The following KRT9 variants were observed in gnomAD, a reference collection of about 807,000 sequenced individuals.
KRT9 encodes the protein keratin, type I cytoskeletal 9.
A neutral mutation model predicts 51.4 loss-of-function variants in KRT9; 34 were observed. That is an observed-to-expected ratio of 0.66 (90% CI 0.50 to 0.88). The LOEUF is 0.88. Ranked by LOEUF, KRT9 falls within the 40% of genes least tolerant of loss-of-function variation. The probability of loss-of-function intolerance (pLI) is 0.00; values close to 1 mark genes in which losing one functional copy is unlikely to be tolerated. For missense variants in KRT9, 753 were observed against 790.3 expected (o/e 0.95, Z 0.57); for synonymous variants, 292 against 289.7 (o/e 1.01, Z -0.08).
rs763338778 is a variant in KRT9 at position 41,568,626 on chromosome 17, TG to T, written c.1051del (p.Gln351ArgfsTer20). ...ACTACTGGATACCTCATGCTCGATC[TG>T]GGTTATCTGCAAAACCAAAGGCTCA... ...IENQYETQIT[Q>X]IEHEVSSSGQ... On this transcript the variant is annotated frameshift_variant, in exon 5 of 8. Transcript: ENST00000246662. LOFTEE classifies it high-confidence loss of function. 1.9e-5 allele frequency: 30 copies of T among 1,614,156 alleles called. No homozygotes were observed. The highest frequency in any genetic ancestry group is 2.5e-5 in the Non-Finnish European group (30 of 1,180,024).
intron 1 of KRT9, 76 bp from the exon 2 acceptor site, chr17:41,570,296 C>T (rs557355180): frequency 6.5e-6 from 8 of 1,237,304 alleles, no homozygotes; most frequent in African/African-American, 4.4e-5. Flanking sequence ...GGCAAAGCCA[C>T]AGGAGGTGAG....
intron 1 of KRT9, among the ~76,000 whole-genome samples, chr17:41,570,722 A>C (rs1186831620): frequency 6.6e-6 from 1 of 152,226 alleles, no homozygotes; most frequent in East Asian, 1.9e-4. Context: ...AAGAGGAATC[A>C]CTGAGAATAC....
At chr17:41,568,938 AC>A (rs1220115486) in intron 4 of KRT9, among the ~76,000 whole-genome samples, 2 of 151,628 alleles carry the variant, frequency 1.3e-5, no homozygotes, top group Non-Finnish European at 2.9e-5. Context: ...ACACACACAC[AC>A]ACACACACAC....
chr17:41,570,051 G>A (rs759859729), intron 2 of KRT9, 36 bp from the exon 3 acceptor site: 3 of 1,614,086 alleles, frequency 1.9e-6, no homozygotes, highest in South Asian at 1.1e-5. Flanking sequence ...CAATCAAGAG[G>A]GAACCAGGCC....
chr17:41,567,342 T>A lies in KRT9; in HGVS notation c.1803A>T (p.Gly601=). 1.2e-6 allele frequency: 2 copies of A among 1,613,918 alleles called. No homozygotes were observed. The highest frequency in any genetic ancestry group is 1.6e-4 in the Middle Eastern group (1 of 6,062). Residue 601 remains glycine (G), a synonymous_variant, in exon 7 of 8, where the codon GGA becomes GGT. Transcript: ENST00000246662. The part of the protein sequence containing the change: ...GFGGESGGSY[G]GGEEASGSGG... ...CACTTCCACTCGCTTCTTCACCGCCTCCGTAGCTGCCTCCACTTTCACCTC... is the reference window on the plus strand; with the variant it reads ...CACTTCCACTCGCTTCTTCACCGCCACCGTAGCTGCCTCCACTTTCACCTC...
chr17:41,570,230 A>C lies in KRT9; in HGVS notation c.643-10T>G. 1 of 1,612,866 alleles carries C rather than the reference A, an allele frequency of 6.2e-7. No individual in the cohort carries two copies. The highest frequency in any genetic ancestry group is 8.5e-7 in the Non-Finnish European group (1 of 1,178,904). ...CTGTCAGGTCCACAATCTGAAAAAAAAAGGACACAGCCATGATATCATGCT... is the reference window on the plus strand; with the variant it reads ...CTGTCAGGTCCACAATCTGAAAAAACAAGGACACAGCCATGATATCATGCT... On this transcript the variant is annotated splice_polypyrimidine_tract_variant and intron_variant, in intron 1 of 7. Coordinates refer to ENST00000246662, the MANE Select transcript of KRT9 (RefSeq NM_000226.4).
chr17:41,569,741 A>C, intron 3 of KRT9, 118 bp downstream of exon 3: 1 of 1,494,312 alleles, frequency 6.7e-7, no homozygotes, highest in Non-Finnish European at 9.3e-7. Flanking sequence ...GAGAAGTTGA[A>C]AGTGTCCTCA....
rs1041961285 is a variant in KRT9, at chr17:41,568,083, T to C, written c.1394+79A>G. 20 of 1,285,186 alleles carry C rather than the reference T, an allele frequency of 1.6e-5. No homozygotes were observed. The African/African-American group carries it at 2.8e-4, about 18-fold the overall frequency. 79.6% of individuals were successfully genotyped at this position (1,285,186 alleles called of 1,614,324 possible). ...CCTGTGTATAAGAACTTCCCCCAGC[T>C]GCCTCTATCCAGAGGGACAGAAGTA... On this transcript the variant is annotated intron_variant, in intron 6 of 7. Transcript: ENST00000246662.
chr17:41,567,181 A>C, intron 7 of KRT9, 52 bp downstream of exon 7: 1 of 1,581,844 alleles, frequency 6.3e-7, no homozygotes, highest in Non-Finnish European at 8.5e-7. Flanking sequence ...CTCAAAAAAA[A>C]AAAAAGGTGA....
At chr17:41,570,275 G>C (rs1907039347) in intron 1 of KRT9, 55 bp from the exon 2 acceptor site, 1 of 1,482,134 alleles carries the variant, frequency 6.7e-7, no homozygotes, top group South Asian at 1.1e-5. Flanking sequence ...TGCTGAGAGG[G>C]CAAGAGGCCA....
intron 1 of KRT9, among the ~76,000 whole-genome samples, chr17:41,570,876 GGGATAGATGGAAGGATGGAT>G: frequency 6.6e-6 from 1 of 152,282 alleles, no homozygotes; most frequent in South Asian, 2.1e-4. Context: ...GAGGGAGGAA[GGGATAGATGGAAGGATGGAT>G]GGATAGATAG....
rs147473954 is a variant in KRT9 at position 41,567,741 on chromosome 17, G to A, written c.1404C>T (p.Ser468=). Residue 468 remains serine, a synonymous_variant, in exon 7 of 8, where the codon TCC becomes TCT. Transcript: ENST00000246662. The part of the protein sequence containing the change: ...LEGGQEDFES[S]GAGKIGLGGR... ...CTCCAAGGCCAATTTTTCCAGCTCC[G>A]GAGGATTCACTAAGAAAGAAAGAAA... 243 of 1,614,066 alleles carry A rather than the reference G, an allele frequency of 1.5e-4. No homozygotes were observed. Among genetic ancestry groups the A allele is most frequent in the Admixed American group, 3.7e-4 (22 of 60,002 alleles).
rs918027925 is a variant in KRT9 at position 41,571,356 on chromosome 17, C to T, written c.637G>A (p.Asp213Asn). 6.2e-7 allele frequency: 1 copy of T among 1,613,728 alleles called. No individual in the cohort carries two copies. The highest frequency in any genetic ancestry group is 1.1e-5 in the South Asian group (1 of 91,046). ...AGACAGTTTCCTGCACCTACCTGGT[C>T]CTTGAGATCATCAATAGTGTTATAA... The part of the protein sequence containing the change: ...PYYNTIDDLK[D>N]QIVDLTVGNN... Residue 213 changes from aspartate (D) to asparagine (N), a missense_variant, in exon 1 of 8, where the codon GAC (aspartate) becomes AAC (asparagine). Asp to Asn is a conservative substitution (Grantham distance 23, BLOSUM62 1). Transcript: ENST00000246662.
At position 41,567,474 on chromosome 17, in the gene KRT9, G is replaced by A; in HGVS notation, c.1671C>T (p.Asn557=). The change falls in exon 7 of 8, where the codon AAC becomes AAT. Residue 557 remains asparagine, a synonymous_variant. Transcript: ENST00000246662. ...CTCCAGAGCCACTTCCTCCTCCATA[G>A]TTGCCCCCACTTCCTCCACTATGAC... is the stretch of plus-strand genomic sequence containing the variant. The part of the protein sequence containing the change: ...GGGHSGGSGG[N]YGGGSGSGGG... 6.5e-7 allele frequency: 1 copy of A among 1,534,904 alleles called. No homozygotes were observed. Among genetic ancestry groups the A allele is most frequent in the Non-Finnish European group, 8.7e-7 (1 of 1,143,970 alleles).
intron 1 of KRT9, 22 bp downstream of exon 1, chr17:41,571,329 A>C (rs1420897190): frequency 1.3e-6 from 2 of 1,598,234 alleles, no homozygotes; most frequent in Admixed American, 3.3e-5. Context: ...AGACCAAGAC[A>C]GAGACAGTTT....
rs1375523596 is a variant in KRT9, at chr17:41,569,942, G to C, written c.799C>G (p.Leu267Val). 1.9e-6 allele frequency: 3 copies of C among 1,614,092 alleles called. No individual in the cohort carries two copies. Among genetic ancestry groups the C allele is most frequent in the African/African-American group, 2.7e-5 (2 of 74,936 alleles). The stretch of plus-strand genomic sequence containing the variant: ...TCCAGGTCAGACTTCTCCATGGTCA[G>C]ATTGTCCAGCACCTGCCGCAGGCCA... ...INGLRQVLDN[L>V]TMEKSDLEMQ... Residue 267 changes from leucine (L) to valine (V), a missense_variant, in exon 3 of 8, where the codon CTG becomes GTG. Leu to Val is a conservative substitution (Grantham distance 32, BLOSUM62 1). Coordinates refer to ENST00000246662, the MANE Select transcript of KRT9 (RefSeq NM_000226.4).
In KRT9 at chr17:41,571,920, C is replaced by CGCTGCCCAG; in HGVS notation, c.64_72dup (p.Leu22_Ser24dup). Reference sequence around the variant, plus strand: ...CTGTAGGAAGACCTTATGCTGCCCCCGCTGCCCAGGCCGCCCCCGCCACCC... The same window carrying CGCTGCCCAG: ...CTGTAGGAAGACCTTATGCTGCCCCCGCTGCCCAGGCTGCCCAGGCCGCCCCCGCCACCC... On this transcript the variant is annotated inframe_insertion, in exon 1 of 8. Coordinates refer to ENST00000246662, the MANE Select transcript of KRT9 (RefSeq NM_000226.4). 1 of 1,591,732 alleles carries CGCTGCCCAG rather than the reference C, an allele frequency of 6.3e-7. No individual in the cohort carries two copies. Among genetic ancestry groups the CGCTGCCCAG allele is most frequent in the Non-Finnish European group, 8.5e-7 (1 of 1,169,696 alleles).
Position 41,571,347 on chromosome 17 carries a change from C to T in KRT9, c.642+4G>A. ...CCAAGACAGAGACAGTTTCCTGCAC[C>T]TACCTGGTCCTTGAGATCATCAATA... On this transcript the variant is annotated splice_donor_region_variant and intron_variant, in intron 1 of 7. Coordinates refer to ENST00000246662, the MANE Select transcript of KRT9 (RefSeq NM_000226.4). 6.2e-7 allele frequency: 1 copy of T among 1,612,218 alleles called. No individual in the cohort carries two copies. The highest frequency in any genetic ancestry group is 1.1e-5 in the South Asian group (1 of 91,038).
chr17:41,570,884 T>C (rs1247355147), intron 1 of KRT9, among the ~76,000 whole-genome samples: 2 of 152,144 alleles, frequency 1.3e-5, no homozygotes, highest in African/African-American at 2.4e-5. Flanking sequence ...AAGGGATAGA[T>C]GGAAGGATGG....
Sources: allele counts gnomAD v4.1 joint callset (sites outside exome capture counted in the v4.1 genomes callset), GRCh38; gene constraint gnomAD v4.1.1; transcripts MANE v1.5; gene names NCBI Gene and HGNC (gene_info 2026-07-23, HGNC 2026-07-21).